The following ATF7IP variants were observed in gnomAD, a reference collection of about 807,000 sequenced individuals.
ATF7IP encodes the protein activating transcription factor 7 interacting protein, also known as activating transcription factor 7-interacting protein 1.
Under a neutral mutation model 106.4 loss-of-function variants are expected in ATF7IP, and 23 were observed. That is an observed-to-expected ratio of 0.22 (90% CI 0.16 to 0.31). The LOEUF (loss-of-function observed/expected upper bound fraction) is 0.31. Ranked by LOEUF, ATF7IP falls within the 10% of genes least tolerant of loss-of-function variation. ATF7IP has a pLI of 1.00. For missense variants in ATF7IP, 1,334 were observed against 1,524.3 expected (o/e 0.88, Z 2.08); for synonymous variants, 542 against 539.0 (o/e 1.01, Z -0.08).
At chr12:14,418,583 C>T (rs1941326248) in intron 1 of ATF7IP, among the ~76,000 whole-genome samples, 1 of 152,202 alleles carries the variant, frequency 6.6e-6, no homozygotes, top group Non-Finnish European at 1.5e-5. Context: ...GCAGGTAACA[C>T]ACCCTTCTCT....
chr12:14,406,805 G>T (rs1297123961), intron 1 of ATF7IP, among the ~76,000 whole-genome samples: 1 of 151,504 alleles, frequency 6.6e-6, no homozygotes, highest in Non-Finnish European at 1.5e-5. Flanking sequence ...TCTTTCCCAG[G>T]CTGGTCTTGA....
intron 2 of ATF7IP, among the ~76,000 whole-genome samples, chr12:14,431,296 C>T (rs1169883376): frequency 6.6e-6 from 1 of 151,834 alleles, no homozygotes; most frequent in African/African-American, 2.4e-5. Flanking sequence ...ACTATGAAAA[C>T]TTGCCAAATT....
chr12:14,454,006 A>G (rs751891671), intron 6 of ATF7IP, among the ~76,000 whole-genome samples: 32 of 151,848 alleles, frequency 2.1e-4, no homozygotes, highest in Non-Finnish European at 3.1e-4. Context: ...GTTTTTGGAG[A>G]TTTATTTTAT....
intron 4 of ATF7IP, among the ~76,000 whole-genome samples, 190 bp downstream of exon 4, chr12:14,436,441 C>T (rs75910918): frequency 6.6e-6 from 1 of 152,188 alleles, no homozygotes; most frequent in East Asian, 1.9e-4. Context: ...CCTGTAATCC[C>T]AATCCTTTGG....
At position 14,460,621 on chromosome 12, in the gene ATF7IP, T is replaced by C; in HGVS notation, c.2285T>C (p.Val762Ala). The C allele has an allele frequency of 1.2e-6, 2 of 1,614,216 alleles. No homozygotes were observed. Among genetic ancestry groups the C allele is most frequent in the Non-Finnish European group, 8.5e-7 (1 of 1,180,018 alleles). The change falls in exon 9 of 15, where the codon GTT (valine) becomes GCT (alanine). Residue 762 changes from valine (V) to alanine (A), a missense_variant. Val to Ala is a moderately conservative substitution (Grantham distance 64). Around this residue, in one of 10 missense-constraint regions of ATF7IP, gnomAD observed 171 missense variants for 172.6 expected, o/e 0.99. Transcript: ENST00000261168. ...CCTGCACCCAATACAGCTACTGTAGTTGCTACTACTCAGGTGCCTAGTGGA... is the reference window on the plus strand; with the variant it reads ...CCTGCACCCAATACAGCTACTGTAGCTGCTACTACTCAGGTGCCTAGTGGA... Reference protein sequence around the residue: ...VLPAPNTATVVATTQVPSGNP... With the variant: ...VLPAPNTATVAATTQVPSGNP...
chr12:14,423,786 C>T lies in ATF7IP; in HGVS notation c.-7-123C>T, dbSNP rs543211907. On this transcript the variant is annotated intron_variant, in intron 1 of 14. Coordinates refer to ENST00000261168, the MANE Select transcript of ATF7IP (RefSeq NM_018179.5). ...TAGTATACAACAAGCAGTAGGTTTT[C>T]TATGTCTTAAACATTACATGAAATG... is the stretch of plus-strand genomic sequence containing the variant. 2.8e-6 allele frequency: 3 copies of T among 1,081,760 alleles called. No individual in the cohort carries two copies. The African/African-American group carries it at 4.8e-5, about 17-fold the overall frequency. The allele number at this position is 1,081,760 out of a possible 1,614,324, so 67.0% of individuals were successfully genotyped here. A position where few individuals can be genotyped will look rare whatever the true frequency, so the allele number is the denominator to read the frequency against.
intron 5 of ATF7IP, among the ~76,000 whole-genome samples, chr12:14,441,139 C>T (rs1439228817): frequency 6.6e-6 from 1 of 152,172 alleles, no homozygotes; most frequent in Non-Finnish European, 1.5e-5. Context: ...GTTTAACTTA[C>T]TGAAGAATCA....
At chr12:14,385,883 A>G (rs1939213861) in intron 1 of ATF7IP, among the ~76,000 whole-genome samples, 1 of 152,106 alleles carries the variant, frequency 6.6e-6, no homozygotes, top group Admixed American at 6.6e-5. Flanking sequence ...AAAAATTTTT[A>G]ATACTGTCCA....
chr12:14,462,825 G>A (rs910669619), intron 9 of ATF7IP, among the ~76,000 whole-genome samples: 1 of 151,682 alleles, frequency 6.6e-6, no homozygotes, highest in Non-Finnish European at 1.5e-5. Flanking sequence ...ACATAAAATT[G>A]TATATTTTAA....
intron 1 of ATF7IP, among the ~76,000 whole-genome samples, chr12:14,388,862 A>T (rs1270001450): frequency 6.6e-6 from 1 of 151,900 alleles, no homozygotes; most frequent in African/African-American, 2.4e-5. Context: ...CTGGTCTCGA[A>T]CTCCTGGCCT....
chr12:14,454,218 C>CAA (rs1943331552), intron 6 of ATF7IP, among the ~76,000 whole-genome samples: 1 of 152,072 alleles, frequency 6.6e-6, no homozygotes, highest in South Asian at 2.1e-4. Context: ...TGTACTCTTC[C>CAA]ATCTGAAGAG....
At chr12:14,422,357 A>ACACAC (rs1555116815) in intron 1 of ATF7IP, among the ~76,000 whole-genome samples, 1 of 134,170 alleles carries the variant, frequency 7.5e-6, no homozygotes, top group African/African-American at 2.8e-5. Flanking sequence ...ACACACACAC[A>ACACAC]ACCTTTGTAT....
intron 5 of ATF7IP, among the ~76,000 whole-genome samples, chr12:14,441,208 G>T (rs1382903214): frequency 6.6e-6 from 1 of 152,074 alleles, no homozygotes. Flanking sequence ...ATGTATGAGG[G>T]TTCCATTTCT....
At chr12:14,417,832 T>C (rs74069827) in intron 1 of ATF7IP, among the ~76,000 whole-genome samples, 2,970 of 152,302 alleles carry the variant, frequency 0.02, 98 homozygotes, top group African/African-American at 0.068. Flanking sequence ...AGTTTTTGTT[T>C]AACTATGTTT....
intron 1 of ATF7IP, among the ~76,000 whole-genome samples, chr12:14,371,420 T>C (rs1938529054): frequency 6.6e-6 from 1 of 152,136 alleles, no homozygotes; most frequent in African/African-American, 2.4e-5. Flanking sequence ...GCAACACTGC[T>C]TATAACAGCT....
chr12:14,445,915 A>T (rs1275038531), intron 5 of ATF7IP, among the ~76,000 whole-genome samples: 1 of 152,234 alleles, frequency 6.6e-6, no homozygotes, highest in Non-Finnish European at 1.5e-5. Flanking sequence ...CAACAGAAAC[A>T]GTTGAATATT....
intron 1 of ATF7IP, among the ~76,000 whole-genome samples, chr12:14,380,412 T>C (rs1287972518): frequency 6.6e-6 from 1 of 152,204 alleles, no homozygotes; most frequent in African/African-American, 2.4e-5. Context: ...TTTAGGCTGA[T>C]CTGGGTCAGC....
chr12:14,466,494 TG>T (rs776843482), intron 9 of ATF7IP, 31 bp from the exon 10 acceptor site: 2 of 1,558,892 alleles, frequency 1.3e-6, no homozygotes, highest in South Asian at 2.3e-5. Flanking sequence ...ATTTTGTAGA[TG>T]TTTTTAAAAA....
rs1424040343 is a variant in ATF7IP at position 14,447,124 on chromosome 12, G to T, written c.1995+71G>T. ...GTAATCTTAGGAAATGCTGAATTAGGAGGAAACTGTATTACAAATCTGAAA... is the reference window on the plus strand; with the variant it reads ...GTAATCTTAGGAAATGCTGAATTAGTAGGAAACTGTATTACAAATCTGAAA... On this transcript the variant is annotated intron_variant, in intron 6 of 14. Coordinates refer to ENST00000261168, the MANE Select transcript of ATF7IP (RefSeq NM_018179.5). 4 of 1,228,696 alleles carry T rather than the reference G, an allele frequency of 3.3e-6. No individual in the cohort carries two copies. The East Asian group carries it at 9.6e-5, about 29-fold the overall frequency. The allele number at this position is 1,228,696 out of a possible 1,614,324, so 76.1% of individuals were successfully genotyped here. A position where few individuals can be genotyped will look rare whatever the true frequency, so the allele number is the denominator to read the frequency against.
Sources: gnomAD v4.1 joint callset for allele counts (sites outside exome capture counted in the v4.1 genomes callset) on GRCh38, gnomAD v4.1.1 for gene constraint, gnomAD v4.1.1 regional missense constraint, MANE v1.5 for transcripts, NCBI Gene and HGNC (gene_info 2026-07-23, HGNC 2026-07-21) for gene names.